Variants in ATRNL1 observed in about 807,000 individuals in gnomAD.
ATRNL1 encodes attractin-like protein 1.
ATRNL1 carries 95 observed loss-of-function variants against 182.7 expected under a neutral mutation model. The observed-to-expected ratio is 0.52, with a 90% CI of 0.44 to 0.62. The LOEUF is 0.62. Ranked by LOEUF, ATRNL1 falls within the 20% of genes least tolerant of loss-of-function variation. The pLI is 0.00. For missense variants in ATRNL1, 1,471 were observed against 1,679.5 expected, an observed-to-expected ratio of 0.88 and a Z score of 2.17; for synonymous variants, 576 against 568.3, an observed-to-expected ratio of 1.01 and a Z score of -0.19.
intron 6 of ATRNL1, among the ~76,000 whole-genome samples, chr10:115,162,118 G>A (rs1056428754): frequency 7.3e-4 from 111 of 151,550 alleles, no homozygotes; most frequent in African/African-American, 2.6e-3. Context: ...CCGTGTCTTT[G>A]TAAAGTTAGG....
intron 26 of ATRNL1, among the ~76,000 whole-genome samples, chr10:115,692,502 C>T (rs890279782): frequency 4.6e-5 from 7 of 151,952 alleles, no homozygotes; most frequent in Non-Finnish European, 5.9e-5. Context: ...AGCCTACGGG[C>T]CCTTAAAAGT....
chr10:115,443,832 T>G (rs1272043940), intron 21 of ATRNL1, among the ~76,000 whole-genome samples: 2 of 152,118 alleles, frequency 1.3e-5, no homozygotes, highest in African/African-American at 2.4e-5. Context: ...TTTAAGTCTT[T>G]AATCAAAAAT....
intron 25 of ATRNL1, among the ~76,000 whole-genome samples, chr10:115,526,607 C>G (rs1315019958): frequency 6.6e-6 from 1 of 152,210 alleles, no homozygotes; most frequent in African/African-American, 2.4e-5. Context: ...CACCCACCAA[C>G]ATGGATGTTG....
At chr10:115,354,762 T>C (rs1856429437) in intron 19 of ATRNL1, among the ~76,000 whole-genome samples, 1 of 152,106 alleles carries the variant, frequency 6.6e-6, no homozygotes. Flanking sequence ...TATTACTTTC[T>C]TTGAATAAAC....
At chr10:115,160,344 T>C in intron 6 of ATRNL1, 130 bp downstream of exon 6, 1 of 755,232 alleles carries the variant, frequency 1.3e-6, no homozygotes, top group East Asian at 2.6e-5. Flanking sequence ...CTAGTGAGAC[T>C]GATTTGTGAA....
intron 10 of ATRNL1, among the ~76,000 whole-genome samples, chr10:115,264,102 C>CT (rs1459999421): frequency 5.3e-5 from 8 of 149,740 alleles, no homozygotes; most frequent in Non-Finnish European, 3.0e-5. Flanking sequence ...TTTAATTATA[C>CT]TTTAAGTTCT....
chr10:115,311,990 A>G (rs1262252408), intron 17 of ATRNL1, among the ~76,000 whole-genome samples: 1 of 151,924 alleles, frequency 6.6e-6, no homozygotes, highest in Non-Finnish European at 1.5e-5. Flanking sequence ...TTGAGTCTAT[A>G]AGAATCTTTA....
At chr10:115,413,465 C>T (rs1042550075) in intron 20 of ATRNL1, among the ~76,000 whole-genome samples, 2 of 152,122 alleles carry the variant, frequency 1.3e-5, no homozygotes, top group Admixed American at 6.6e-5. Context: ...ATTTACCAGA[C>T]AGACCTCAAC....
intron 26 of ATRNL1, among the ~76,000 whole-genome samples, chr10:115,602,331 G>A (rs1856639840): frequency 6.6e-6 from 1 of 152,108 alleles, no homozygotes; most frequent in South Asian, 2.1e-4. Context: ...TCCAGCCTGT[G>A]CAAAAGAGCA....
At chr10:115,784,317 G>A (rs559907254) in intron 27 of ATRNL1, among the ~76,000 whole-genome samples, 3 of 152,264 alleles carry the variant, frequency 2.0e-5, no homozygotes, top group African/African-American at 7.2e-5. Flanking sequence ...ATCCATAAAC[G>A]ATTGTGGGGG....
chr10:115,164,801 G>A (rs1254136813), intron 6 of ATRNL1, among the ~76,000 whole-genome samples: 1 of 152,090 alleles, frequency 6.6e-6, no homozygotes, highest in South Asian at 2.1e-4. Flanking sequence ...GAGTAGAATG[G>A]TGGCTACCAC....
chr10:115,481,629 T>A (rs1848774992), intron 24 of ATRNL1, among the ~76,000 whole-genome samples: 1 of 150,856 alleles, frequency 6.6e-6, no homozygotes. Flanking sequence ...CTTCTTTATT[T>A]TACTATCATT....
chr10:115,900,653 T>G (rs1952326721), intron 28 of ATRNL1, among the ~76,000 whole-genome samples: 1 of 152,098 alleles, frequency 6.6e-6, no homozygotes, highest in Non-Finnish European at 1.5e-5. Flanking sequence ...CACAAAGAAG[T>G]TAGGGAACTT....
chr10:115,509,562 C>T (rs1243344148), intron 24 of ATRNL1, among the ~76,000 whole-genome samples: 5 of 151,996 alleles, frequency 3.3e-5, no homozygotes, highest in South Asian at 2.1e-4. Context: ...GTGCCTGCTC[C>T]GCCTTCACCT....
rs1564990297 is a variant in ATRNL1, at chr10:115,389,582, ATATATATATT to A, written c.3176-5075_3176-5066del. 4.2e-4 allele frequency among the ~76,000 whole-genome samples: 45 copies of A among 106,528 alleles called. 2 individuals are homozygous for A. Among genetic ancestry groups the A allele is most frequent in the African/African-American group, 1.5e-3 (43 of 28,126 alleles). 69.9% of individuals were successfully genotyped at this position (106,528 alleles called of 152,430 possible). On this transcript the variant is annotated intron_variant, in intron 19 of 28. Transcript: ENST00000355044. The stretch of plus-strand genomic sequence containing the variant: ...TATATATATATATATATATATATAT[ATATATATATT>A]TCATCCAATGATGGACACCTAGGTT...
Position 115,426,250 on chromosome 10 carries a change from A to G in ATRNL1, c.3270A>G (p.Leu1090=). The part of the protein sequence containing the change: ...TKGIKGDQCQ[L]CDSENRYVGN... ...TAAATGAGTTTTTGTGTTTCTGCAGATGTGACTCTGAAAATCGCTATGTTG... is the reference window on the plus strand; with the variant it reads ...TAAATGAGTTTTTGTGTTTCTGCAGGTGTGACTCTGAAAATCGCTATGTTG... Residue 1090 remains leucine (L), a splice_region_variant and synonymous_variant, in exon 21 of 29, where the codon TTA becomes TTG. Coordinates refer to ENST00000355044, the MANE Select transcript of ATRNL1 (RefSeq NM_207303.4). 1.2e-6 allele frequency: 2 copies of G among 1,612,338 alleles called. No homozygotes were observed. Among genetic ancestry groups the G allele is most frequent in the Non-Finnish European group, 1.7e-6 (2 of 1,178,792 alleles).
chr10:115,144,060 A>G (rs1592161306), intron 5 of ATRNL1, among the ~76,000 whole-genome samples: 1 of 150,852 alleles, frequency 6.6e-6, no homozygotes, highest in Non-Finnish European at 1.5e-5. Flanking sequence ...GCTCACTGCA[A>G]CCTCTGCCTC....
intron 26 of ATRNL1, among the ~76,000 whole-genome samples, chr10:115,709,688 T>A (rs1555053987): frequency 6.6e-6 from 1 of 151,916 alleles, no homozygotes; most frequent in Non-Finnish European, 1.5e-5. Context: ...GATAAAAGGG[T>A]ACATTTAGTC....
chr10:115,691,108 G>A (rs1555048027), intron 26 of ATRNL1, among the ~76,000 whole-genome samples: 1 of 151,950 alleles, frequency 6.6e-6, no homozygotes, highest in Non-Finnish European at 1.5e-5. Context: ...TCATAATTTT[G>A]GTGCTTCCTT....
Sources: allele counts gnomAD v4.1 joint callset (sites outside exome capture counted in the v4.1 genomes callset), GRCh38; gene constraint gnomAD v4.1.1; transcripts MANE v1.5; gene names NCBI Gene and HGNC (gene_info 2026-07-23, HGNC 2026-07-21).